IFI16: variants seen among roughly 807,000 people sequenced by gnomAD.
IFI16 encodes gamma-interferon-inducible protein 16.
IFI16 carries 49 observed loss-of-function variants against 68.4 expected under a neutral mutation model. The observed-to-expected ratio is 0.72, with a 90% CI of 0.57 to 0.91. The LOEUF (loss-of-function observed/expected upper bound fraction) is 0.91. IFI16 is among the 40% of genes least tolerant of loss of function. The probability of loss-of-function intolerance (pLI) is 0.00; values close to 1 mark genes in which losing one functional copy is unlikely to be tolerated. For missense variants in IFI16, 878 were observed against 942.9 expected (o/e 0.93, Z 0.90); for synonymous variants, 307 against 315.0 (o/e 0.97, Z 0.27).
rs550151860 is a variant in IFI16, at chr1:159,010,902, T to A, written c.-21+741T>A. Among the ~76,000 whole-genome samples the A allele has an allele frequency of 2.6e-5, 4 of 152,278 alleles. No homozygotes were observed. In the East Asian group the frequency reaches 7.7e-4, roughly 29 times the overall value. ...TTACTTTTCAAATTTTTAAAAGATG[T>A]TTTCTATAGCCTGGTACAATATTTC... On this transcript the variant is annotated intron_variant, in intron 1 of 11. Transcript: ENST00000295809.
upstream of IFI16, among the ~76,000 whole-genome samples, chr1:159,005,481 C>A (rs1571818660): frequency 6.6e-6 from 1 of 152,210 alleles, no homozygotes; most frequent in African/African-American, 2.4e-5. Context: ...TGCCTCAACA[C>A]TGAGTCTCTT....
intron 7 of IFI16, among the ~76,000 whole-genome samples, chr1:159,034,906 A>G (rs909817608): frequency 6.6e-6 from 1 of 152,222 alleles, no homozygotes; most frequent in African/African-American, 2.4e-5. Context: ...ATGTGCATCA[A>G]TTCTTATTCC....
At position 159,015,866 on chromosome 1, in the gene IFI16, T is replaced by C. The variant is rs200949538; in HGVS notation, c.266-6T>C. On this transcript the variant is annotated splice_region_variant and splice_polypyrimidine_tract_variant and intron_variant, in intron 2 of 11. Coordinates refer to ENST00000295809, the MANE Select transcript of IFI16 (RefSeq NM_001376587.1). Reference sequence around the variant, plus strand: ...TTGGTTGGGAATAAAATTGAATCTATTCCAGTAAAAGGACCAGCCCTATCA... The same window carrying C: ...TTGGTTGGGAATAAAATTGAATCTACTCCAGTAAAAGGACCAGCCCTATCA... 1 of 1,595,242 alleles carries C rather than the reference T, an allele frequency of 6.3e-7. No homozygotes were observed. The highest frequency in any genetic ancestry group is 1.3e-5 in the African/African-American group (1 of 74,590).
At chr1:159,015,080 T>C in intron 2 of IFI16, 135 bp downstream of exon 2, 1 of 819,636 alleles carries the variant, frequency 1.2e-6, no homozygotes, top group Non-Finnish European at 2.0e-6. Flanking sequence ...ACAATGTTGG[T>C]ACTTCAGAGG....
At chr1:159,045,023 T>G (rs187497708) in intron 7 of IFI16, among the ~76,000 whole-genome samples, 1 of 152,188 alleles carries the variant, frequency 6.6e-6, no homozygotes, top group Admixed American at 6.5e-5. Context: ...ACCAAATAAC[T>G]CAGTCCAGTT....
At chr1:159,021,630 G>T (rs1653318804) in intron 6 of IFI16, among the ~76,000 whole-genome samples, 1 of 152,160 alleles carries the variant, frequency 6.6e-6, no homozygotes, top group South Asian at 2.1e-4. Flanking sequence ...TAGTGGGATT[G>T]CTGGATCAAA....
intron 9 of IFI16, 21 bp downstream of exon 9, chr1:159,049,620 A>T (rs781396151): frequency 3.1e-6 from 5 of 1,612,694 alleles, no homozygotes. Flanking sequence ...CCTCTTCCCA[A>T]TACATTCCCC....
intron 7 of IFI16, among the ~76,000 whole-genome samples, chr1:159,038,249 A>T (rs997686784): frequency 1.3e-5 from 2 of 152,192 alleles, no homozygotes; most frequent in African/African-American, 4.8e-5. Flanking sequence ...TCCAGATGCC[A>T]CAAGCCATAA....
chr1:159,023,865 A>C (rs945285684), intron 6 of IFI16, among the ~76,000 whole-genome samples: 2 of 152,248 alleles, frequency 1.3e-5, no homozygotes, highest in African/African-American at 2.4e-5. Flanking sequence ...CGTGAGAGGC[A>C]CAAAGTAAAC....
At chr1:159,049,648 C>G in intron 9 of IFI16, 49 bp downstream of exon 9, 1 of 1,609,490 alleles carries the variant, frequency 6.2e-7, no homozygotes, top group Non-Finnish European at 8.5e-7. Flanking sequence ...TATATAATGA[C>G]AAGGATTAAC....
chr1:159,023,686 A>G (rs1653476678), intron 6 of IFI16, among the ~76,000 whole-genome samples: 1 of 152,048 alleles, frequency 6.6e-6, no homozygotes, highest in African/African-American at 2.4e-5. Flanking sequence ...GGATTAGAGC[A>G]TAAGTACTGC....
Position 159,051,811 on chromosome 1 carries a change from T to C in IFI16, c.1798T>C (p.Phe600Leu), listed in dbSNP as rs757116623. The change falls in exon 10 of 12, where the codon TTT becomes CTT. Residue 600 changes from phenylalanine to leucine, a missense_variant. Physicochemically the swap from Phe to Leu is conservative, Grantham distance 22. This residue lies in a region of IFI16 where 311 missense variants were observed against 305.1 expected (regional missense o/e 1.02). Coordinates refer to ENST00000295809, the MANE Select transcript of IFI16 (RefSeq NM_001376587.1). ...VYEPKEQKKM[F>L]HATVATENEV... ...TGAGCCCAAAGAGCAGAAGAAAATG[T>C]TTCATGCCACAGTGGCAACTGAGAA... The C allele has an allele frequency of 4.3e-6, 7 of 1,613,992 alleles. No homozygotes were observed. The highest frequency in any genetic ancestry group is 5.9e-6 in the Non-Finnish European group (7 of 1,179,982).
At position 159,018,349 on chromosome 1, in the gene IFI16, G is replaced by A. The variant is rs1653073449; in HGVS notation, c.670G>A (p.Glu224Lys). The change falls in exon 5 of 12, where the codon GAG (glutamate) becomes AAG (lysine). Residue 224 changes from glutamate (E) to lysine (K), a missense_variant. Glu to Lys is a moderately conservative substitution (Grantham distance 56). Around this residue, in one of 4 missense-constraint regions of IFI16, gnomAD observed 443 missense variants for 421.8 expected, o/e 1.05. Transcript: ENST00000295809. ...KPFEYETPEMEKKIMFHATVA... is the reference protein window; with the variant it reads ...KPFEYETPEMKKKIMFHATVA... The stretch of plus-strand genomic sequence containing the variant: ...ATTTGAATATGAGACCCCAGAAATG[G>A]AGAAAAAAATAATGTTTCATGCTAC... 6.2e-7 allele frequency: 1 copy of A among 1,614,090 alleles called. No homozygotes were observed. The highest frequency in any genetic ancestry group is 8.5e-7 in the Non-Finnish European group (1 of 1,179,988).
chr1:159,032,662 AC>A lies in IFI16; in HGVS notation c.1301del (p.Thr434LysfsTer19). On this transcript the variant is annotated frameshift_variant, in exon 7 of 12. Transcript: ENST00000295809. LOFTEE classifies it high-confidence loss of function. Reference protein sequence around the residue: ...SHLRTPQMPPTTPSSSFFTKK... With the variant: ...SHLRTPQMPPXTPSSSFFTKK... ...TCTTCGGACTCCTCAGATGCCACCA[AC>A]AACTCCATCCAGCAGTTTCTTCACC... is the stretch of plus-strand genomic sequence containing the variant. The A allele has an allele frequency of 6.2e-7, 1 of 1,603,618 alleles. No individual in the cohort carries two copies. The highest frequency in any genetic ancestry group is 8.5e-7 in the Non-Finnish European group (1 of 1,176,338).
At chr1:159,050,648 C>G (rs1236313398) in intron 9 of IFI16, among the ~76,000 whole-genome samples, 3 of 152,074 alleles carry the variant, frequency 2.0e-5, no homozygotes, top group South Asian at 2.1e-4. Context: ...TTGATCCCTT[C>G]TTGCCTCCAT....
Position 159,032,635 on chromosome 1 carries a change from C to T in IFI16, c.1273C>T (p.His425Tyr). 1 of 1,612,254 alleles carries T rather than the reference C, an allele frequency of 6.2e-7. No individual in the cohort carries two copies. The highest frequency in any genetic ancestry group is 8.5e-7 in the Non-Finnish European group (1 of 1,179,276). Residue 425 changes from histidine to tyrosine, a missense_variant, in exon 7 of 12, where the codon CAT becomes TAT. By Grantham distance (83) the His-to-Tyr change is moderately conservative. Transcript: ENST00000295809. ...SEASTTFPES[H>Y]LRTPQMPPTT... The stretch of plus-strand genomic sequence containing the variant: ...GGCCAGCACAACCTTCCCTGAGAGC[C>T]ATCTTCGGACTCCTCAGATGCCACC...
rs371937035 is a variant in IFI16 at position 159,021,283 on chromosome 1, T to C, written c.1161+754T>C. Among the ~76,000 whole-genome samples, 4 of 152,134 alleles carry C rather than the reference T, an allele frequency of 2.6e-5. No homozygotes were observed. In the South Asian group the frequency reaches 8.3e-4, roughly 32 times the overall value. On this transcript the variant is annotated intron_variant, in intron 6 of 11. Coordinates refer to ENST00000295809, the MANE Select transcript of IFI16 (RefSeq NM_001376587.1). ...CTTTCCCCTGAGTCCCCAAAGTCCA[T>C]TGTATCATTCTTATGCCTTTGTGTC...
In IFI16 at chr1:159,014,668, T is replaced by C. The variant is rs749018781; in HGVS notation, c.-13T>C. 6.3e-6 allele frequency: 10 copies of C among 1,581,272 alleles called. No homozygotes were observed. The highest frequency in any genetic ancestry group is 7.7e-6 in the Non-Finnish European group (9 of 1,162,234). On this transcript the variant is annotated 5_prime_UTR_variant, in exon 2 of 12. Coordinates refer to ENST00000295809, the MANE Select transcript of IFI16 (RefSeq NM_001376587.1). ...TACCATTTTCTCTTGTAGGCTCACT[T>C]ATGTCTGTAAAGATGGGAAAAAAAT...
chr1:159,005,698 CGT>C (rs1347310220), upstream of IFI16, among the ~76,000 whole-genome samples: 1 of 152,114 alleles, frequency 6.6e-6, no homozygotes, highest in African/African-American at 2.4e-5. Flanking sequence ...GTTGTGAAAA[CGT>C]GTTCTGGGAA....
Sources: gnomAD v4.1 joint callset for allele counts (sites outside exome capture counted in the v4.1 genomes callset) on GRCh38, gnomAD v4.1.1 for gene constraint, gnomAD v4.1.1 regional missense constraint, MANE v1.5 for transcripts, NCBI Gene and HGNC (gene_info 2026-07-23, HGNC 2026-07-21) for gene names.